SYT16: variants seen among roughly 807,000 people sequenced by gnomAD.
SYT16 encodes the protein synaptotagmin-16.
SYT16 carries 42 observed loss-of-function variants against 61.4 expected under a neutral mutation model. The observed-to-expected ratio is 0.68, with a 90% CI of 0.53 to 0.89. The LOEUF is 0.89. SYT16 is among the 40% of genes least tolerant of loss of function. SYT16 has a pLI of 0.00. For synonymous variants in SYT16, 314 were observed against 302.3 expected (o/e 1.04, Z -0.40); for missense variants, 804 against 807.3 (o/e 1.00, Z 0.05).
At chr14:62,055,508 G>GT (rs2055512286) in intron 3 of SYT16, among the ~76,000 whole-genome samples, 1 of 152,192 alleles carries the variant, frequency 6.6e-6, no homozygotes, top group Non-Finnish European at 1.5e-5. Context: ...TGTGGTGAGG[G>GT]TTTTGTGATC....
intron 3 of SYT16, among the ~76,000 whole-genome samples, chr14:62,001,827 C>T (rs1396593802): frequency 6.6e-6 from 1 of 151,920 alleles, no homozygotes; most frequent in African/African-American, 2.4e-5. Flanking sequence ...ACTAACATAT[C>T]TTCAAGTTTA....
intron 3 of SYT16, among the ~76,000 whole-genome samples, chr14:62,024,975 T>G (rs1472062457): frequency 4.6e-5 from 7 of 152,144 alleles, no homozygotes; most frequent in African/African-American, 1.7e-4. Flanking sequence ...GCTAATTTCT[T>G]TTCAGGGCTG....
intron 3 of SYT16, among the ~76,000 whole-genome samples, chr14:62,016,184 G>A (rs184369015): frequency 3.9e-5 from 6 of 152,276 alleles, no homozygotes; most frequent in Admixed American, 2.0e-4. Flanking sequence ...TGGCACTCCA[G>A]CTATGGAAAT....
intron 1 of SYT16, among the ~76,000 whole-genome samples, chr14:61,820,470 T>TG: frequency 6.3e-5 from 1 of 15,856 alleles, no homozygotes; most frequent in Non-Finnish European, 1.5e-4. Flanking sequence ...CTCTTCAGAG[T>TG]TTTTTTTTTT....
chr14:62,105,125 G>A lies in SYT16; in HGVS notation c.*4418G>A, dbSNP rs1304151378. On this transcript the variant is annotated 3_prime_UTR_variant, in exon 8 of 8. Coordinates refer to ENST00000683842, the MANE Select transcript of SYT16 (RefSeq NM_001367656.1). ...AAGCCTGGTATGTGGAGGAAATTGAGCCTTAATAGAGTCCAACTGTGGTAG... is the reference window on the plus strand; with the variant it reads ...AAGCCTGGTATGTGGAGGAAATTGAACCTTAATAGAGTCCAACTGTGGTAG... The A allele has an allele frequency of 6.6e-6, 1 of 152,146 alleles. No homozygotes were observed. The highest frequency in any genetic ancestry group is 1.5e-5 in the Non-Finnish European group (1 of 68,020). The allele number at this position is 152,146 out of a possible 1,614,324, so 9.4% of individuals were successfully genotyped here. A position where few individuals can be genotyped will look rare whatever the true frequency, so the allele number is the denominator to read the frequency against.
At chr14:61,942,959 G>T (rs1310925688) in intron 1 of SYT16, among the ~76,000 whole-genome samples, 1 of 152,016 alleles carries the variant, frequency 6.6e-6, no homozygotes, top group African/African-American at 2.4e-5. Context: ...TTTTTGAAAA[G>T]ATTAATAAAA....
At chr14:62,071,494 A>G (rs2056298787) in intron 4 of SYT16, among the ~76,000 whole-genome samples, 1 of 152,238 alleles carries the variant, frequency 6.6e-6, no homozygotes, top group South Asian at 2.1e-4. Flanking sequence ...AAAAAAATCT[A>G]CTACATTGAA....
At chr14:61,956,673 A>T (rs1188680317) in intron 1 of SYT16, among the ~76,000 whole-genome samples, 2 of 151,892 alleles carry the variant, frequency 1.3e-5, no homozygotes, top group African/African-American at 4.8e-5. Flanking sequence ...CTCTGTTTTT[A>T]TGTAAGTGCC....
intron 1 of SYT16, among the ~76,000 whole-genome samples, chr14:61,861,693 C>A (rs1253248144): frequency 6.6e-6 from 1 of 152,198 alleles, no homozygotes; most frequent in Non-Finnish European, 1.5e-5. Context: ...GTATGGGCCA[C>A]CATGCCCAGC....
At chr14:62,015,661 GC>G (rs1216946219) in intron 3 of SYT16, among the ~76,000 whole-genome samples, 28 of 152,292 alleles carry the variant, frequency 1.8e-4, no homozygotes, top group Admixed American at 1.8e-3. Flanking sequence ...TGGGATGAGT[GC>G]CCTTATAAAA....
intron 3 of SYT16, among the ~76,000 whole-genome samples, chr14:62,013,267 T>G (rs1412950344): frequency 6.6e-6 from 1 of 152,208 alleles, no homozygotes; most frequent in East Asian, 1.9e-4. Flanking sequence ...AAGCCACATG[T>G]ATCTGACTCA....
At chr14:61,915,556 T>G (rs1482751997) in intron 1 of SYT16, among the ~76,000 whole-genome samples, 1 of 152,182 alleles carries the variant, frequency 6.6e-6, no homozygotes. Flanking sequence ...AGGAGTTAAT[T>G]CTTCATTGGT....
At chr14:62,064,576 C>T (rs2055977048) in intron 3 of SYT16, among the ~76,000 whole-genome samples, 1 of 152,146 alleles carries the variant, frequency 6.6e-6, no homozygotes, top group South Asian at 2.1e-4. Context: ...AACACAGTTG[C>T]ATCCATTTTG....
At chr14:62,080,524 T>C (rs186604936) in intron 5 of SYT16, among the ~76,000 whole-genome samples, 8 of 152,220 alleles carry the variant, frequency 5.3e-5, no homozygotes, top group African/African-American at 1.4e-4. Flanking sequence ...CTCAGTTGGT[T>C]TCAATGATCC....
chr14:61,906,319 G>A (rs1365730846), intron 1 of SYT16, among the ~76,000 whole-genome samples: 1 of 152,084 alleles, frequency 6.6e-6, no homozygotes, highest in Non-Finnish European at 1.5e-5. Context: ...GTCTTTCTCT[G>A]TTACCCAGGC....
chr14:62,011,926 C>T (rs2184668), intron 3 of SYT16, among the ~76,000 whole-genome samples: 60,031 of 132,274 alleles, frequency 0.45, 14,645 homozygotes, highest in Non-Finnish European at 0.53. Context: ...CACACACACA[C>T]ATATATATAT....
rs147582133 is a variant in SYT16, at chr14:62,069,895, C to G, written c.736+80C>G. 593 of 1,452,166 alleles carry G rather than the reference C, an allele frequency of 4.1e-4. 5 individuals are homozygous for G. The African/African-American group carries it at 7.2e-3, about 18-fold the overall frequency. The allele number at this position is 1,452,166 out of a possible 1,614,324, so 90.0% of individuals were successfully genotyped here. A position where few individuals can be genotyped will look rare whatever the true frequency, so the allele number is the denominator to read the frequency against. ...GCATCCGAATTATTCACCCTCTGCA[C>G]TCTGCATCTGAGAGTCCAGAGAGGA... On this transcript the variant is annotated intron_variant, in intron 4 of 7. Coordinates refer to ENST00000683842, the MANE Select transcript of SYT16 (RefSeq NM_001367656.1).
At chr14:61,819,535 G>A (rs780660102) in intron 1 of SYT16, among the ~76,000 whole-genome samples, 12 of 152,020 alleles carry the variant, frequency 7.9e-5, no homozygotes, top group Non-Finnish European at 1.8e-4. Flanking sequence ...TCTAATTTTA[G>A]GAATATAATA....
intron 3 of SYT16, among the ~76,000 whole-genome samples, chr14:62,000,034 T>C (rs1457987921): frequency 6.6e-6 from 1 of 150,658 alleles, no homozygotes; most frequent in African/African-American, 2.4e-5. Flanking sequence ...GGAGAGAGTA[T>C]TCTATAAATT....
Sources: gnomAD v4.1 joint callset for allele counts (sites outside exome capture counted in the v4.1 genomes callset) on GRCh38, gnomAD v4.1.1 for gene constraint, MANE v1.5 for transcripts, NCBI Gene and HGNC (gene_info 2026-07-23, HGNC 2026-07-21) for gene names.